The following XPNPEP2 variants were observed in gnomAD, a reference collection of about 807,000 sequenced individuals.
XPNPEP2 encodes the protein X-prolyl aminopeptidase 2.
Under a neutral mutation model 59.8 loss-of-function variants are expected in XPNPEP2, and 64 were observed. The ratio of observed to expected loss-of-function variants is 1.07; its 90% CI spans 0.87 to 1.32. The LOEUF (loss-of-function observed/expected upper bound fraction) is 1.32, where lower values mean the gene tolerates loss of function less well. Among genes scored for constraint, XPNPEP2 ranks in the 40% most tolerant of loss-of-function variants. XPNPEP2 has a pLI of 0.00. For synonymous variants in XPNPEP2, 235 were observed against 210.0 expected (o/e 1.12, Z -1.03); for missense variants, 575 against 546.8 (o/e 1.05, Z -0.51).
intron 7 of XPNPEP2, among the ~76,000 whole-genome samples, chrX:129,749,043 C>T (rs965343536): frequency 1.8e-5 from 2 of 112,240 alleles, no homozygotes; most frequent in African/African-American, 3.2e-5. Context: ...CATACCTGTA[C>T]GCACCAGACC....
chrX:129,757,061 T>TACAC (rs1325338252), intron 14 of XPNPEP2, among the ~76,000 whole-genome samples: 2 of 85,681 alleles, frequency 2.3e-5, no homozygotes, highest in African/African-American at 1.2e-4. Context: ...CACACATATA[T>TACAC]ATACACACAC....
At chrX:129,747,390 AG>A (rs1371397463) in intron 6 of XPNPEP2, among the ~76,000 whole-genome samples, 1 of 112,096 alleles carries the variant, frequency 8.9e-6, no homozygotes, top group East Asian at 2.8e-4. Context: ...GAGTAGGCTC[AG>A]GGCATTAGGC....
At position 129,742,026 on chromosome X, in the gene XPNPEP2, G is replaced by A. The variant is rs1926192888; in HGVS notation, c.50-82G>A. 63 of 944,265 alleles carry A rather than the reference G, an allele frequency of 6.7e-5. No homozygotes were observed. In the South Asian group the frequency reaches 1.3e-3, roughly 19 times the overall value. The allele number at this position is 944,265 out of a possible 1,213,427, so 77.8% of individuals were successfully genotyped here. A position where few individuals can be genotyped will look rare whatever the true frequency, so the allele number is the denominator to read the frequency against. On this transcript the variant is annotated intron_variant, in intron 1 of 20. Transcript: ENST00000371106. ...CGTTTCAAAGGATGGAGGCCCCGTG[G>A]GGCGGGCTGAGAGGATACTCCTTCC...
In XPNPEP2 at chrX:129,751,771, A is replaced by T. The variant is rs1268157835; in HGVS notation, c.766A>T (p.Ile256Phe). 3 of 1,210,898 alleles carry T rather than the reference A, an allele frequency of 2.5e-6. No homozygotes were observed. The highest frequency in any genetic ancestry group is 3.4e-6 in the Non-Finnish European group (3 of 895,004). ...AWLFNLRASD[I>F]PYNPFFYSYT... The stretch of plus-strand genomic sequence containing the variant: ...GCTCTTCAACCTTCGAGCCAGTGAC[A>T]TCCCCTATAACCCCTTCTTCTATTC... The change falls in exon 9 of 21, where the codon ATC becomes TTC. Residue 256 changes from isoleucine to phenylalanine, a missense_variant. By Grantham distance (21) the Ile-to-Phe change is conservative. Coordinates refer to ENST00000371106, the MANE Select transcript of XPNPEP2 (RefSeq NM_003399.6).
At position 129,742,094 on chromosome X, in the gene XPNPEP2, CTCCCGGCTTCTAGCTTGTG is replaced by C. The variant is rs1926195834; in HGVS notation, c.50-13_55del. On this transcript the variant is annotated splice_acceptor_variant and splice_polypyrimidine_tract_variant and coding_sequence_variant and intron_variant, in exon 2 of 21. Coordinates refer to ENST00000371106, the MANE Select transcript of XPNPEP2 (RefSeq NM_003399.6). LOFTEE classifies it high-confidence loss of function. ...GGTCCCCAAATGACCCTGGATTTTT[CTCCCGGCTTCTAGCTTGTG>C]CCTGGGGCCACACAAAGCCAGTGGA... 4.1e-6 allele frequency: 5 copies of C among 1,205,589 alleles called. No homozygotes were observed. The highest frequency in any genetic ancestry group is 5.6e-6 in the Non-Finnish European group (5 of 892,020).
At chrX:129,747,087 G>A (rs1166425457) in intron 6 of XPNPEP2, among the ~76,000 whole-genome samples, 1 of 110,212 alleles carries the variant, frequency 9.1e-6, no homozygotes, top group Non-Finnish European at 1.9e-5. Context: ...AGTTGGGAGG[G>A]CTTCTGAGTT....
intron 14 of XPNPEP2, among the ~76,000 whole-genome samples, chrX:129,758,196 G>A (rs1269341130): frequency 2.7e-5 from 3 of 111,921 alleles, no homozygotes; most frequent in Non-Finnish European, 5.6e-5. Flanking sequence ...CACAGCTCTA[G>A]GGGATCCAGA....
chrX:129,745,208 G>C lies in XPNPEP2; in HGVS notation c.240G>C (p.Glu80Asp). The change falls in exon 4 of 21, where the codon GAG (glutamate) becomes GAC (aspartate). Residue 80 changes from glutamate (E) to aspartate (D), a missense_variant. Physicochemically the swap from Glu to Asp is conservative, Grantham distance 45. Coordinates refer to ENST00000371106, the MANE Select transcript of XPNPEP2 (RefSeq NM_003399.6). ...TGGTGTTGTTGATTTCCTAGAACGAGTACATCGGCCAACATGACGAGAGGC... is the reference window on the plus strand; with the variant it reads ...TGGTGTTGTTGATTTCCTAGAACGACTACATCGGCCAACATGACGAGAGGC... Reference protein sequence around the residue: ...IIPGTDAHMNEYIGQHDERRA... With the variant: ...IIPGTDAHMNDYIGQHDERRA... 1 of 1,211,569 alleles carries C rather than the reference G, an allele frequency of 8.3e-7. No individual in the cohort carries two copies. The highest frequency in any genetic ancestry group is 1.1e-6 in the Non-Finnish European group (1 of 895,442).
At chrX:129,761,969 A>G (rs775342596) in intron 17 of XPNPEP2, 37 bp from the exon 18 acceptor site, 1 of 1,198,306 alleles carries the variant, frequency 8.3e-7, no homozygotes, top group Non-Finnish European at 1.1e-6. Context: ...TGGTGAGTAT[A>G]GGAGAACTGA....
intron 19 of XPNPEP2, 112 bp from the exon 20 acceptor site, chrX:129,767,491 T>G: frequency 8.8e-5 from 68 of 768,878 alleles, no homozygotes; most frequent in Non-Finnish European, 1.2e-4. Flanking sequence ...CCAGGGTTGA[T>G]GAGGCCCAGC....
intron 16 of XPNPEP2, 88 bp downstream of exon 16, chrX:129,760,669 G>A: frequency 1.0e-6 from 1 of 970,774 alleles, no homozygotes; most frequent in Non-Finnish European, 1.4e-6. Context: ...GTGGGGCAAG[G>A]ATTTTGTCAT....
At chrX:129,753,453 G>C (rs920781774) in intron 11 of XPNPEP2, among the ~76,000 whole-genome samples, 1 of 111,323 alleles carries the variant, frequency 9.0e-6, no homozygotes, top group African/African-American at 3.3e-5. Context: ...GAGCAGCCTG[G>C]CCAACATGGT....
chrX:129,741,175 G>GGT (rs201428056), intron 1 of XPNPEP2, among the ~76,000 whole-genome samples: 12 of 103,250 alleles, frequency 1.2e-4, no homozygotes, highest in Admixed American at 2.0e-4. Flanking sequence ...TGAATATTGG[G>GGT]GGGGGGTCAC....
chrX:129,760,500 T>C lies in XPNPEP2; in HGVS notation c.1429-12T>C. ...TCCCGTCCTCCATATCACCTCTTCC[T>C]CTCCCCATCAGGAGGCATACACCCG... On this transcript the variant is annotated splice_polypyrimidine_tract_variant and intron_variant, in intron 15 of 20. Transcript: ENST00000371106. 3 of 1,208,952 alleles carry C rather than the reference T, an allele frequency of 2.5e-6. No homozygotes were observed. Among genetic ancestry groups the C allele is most frequent in the Non-Finnish European group, 3.4e-6 (3 of 893,663 alleles).
chrX:129,746,479 C>T, intron 5 of XPNPEP2, 116 bp from the exon 6 acceptor site: 1 of 952,308 alleles, frequency 1.1e-6, no homozygotes, highest in Admixed American at 2.2e-5. Flanking sequence ...CACTGACTTT[C>T]AAGGCTGATC....
chrX:129,756,574 C>G lies in XPNPEP2; in HGVS notation c.1367+19C>G. 1 of 1,204,896 alleles carries G rather than the reference C, an allele frequency of 8.3e-7. No homozygotes were observed. Among genetic ancestry groups the G allele is most frequent in the Non-Finnish European group, 1.1e-6 (1 of 889,435 alleles). ...AGTACTGGTATGTACCCCGACCTCA[C>G]CCTAGCCTGGATGTCTCTGCTCAGA... is the stretch of plus-strand genomic sequence containing the variant. On this transcript the variant is annotated intron_variant, in intron 14 of 20. Transcript: ENST00000371106.
intron 3 of XPNPEP2, 52 bp downstream of exon 3, chrX:129,744,123 AC>A (rs774977936): frequency 1.6e-5 from 17 of 1,060,724 alleles, no homozygotes; most frequent in Non-Finnish European, 2.2e-5. Flanking sequence ...TGGGTCAGAG[AC>A]CACAAACAGG....
chrX:129,760,443 G>A lies in XPNPEP2; in HGVS notation c.1429-69G>A, dbSNP rs1926635308. On this transcript the variant is annotated intron_variant, in intron 15 of 20. Coordinates refer to ENST00000371106, the MANE Select transcript of XPNPEP2 (RefSeq NM_003399.6). ...TGGGCCCTGCACCGTGTATCCATAG[G>A]CCAAGCAGCTGGATACTCCTCTGGC... 4.5e-6 allele frequency: 5 copies of A among 1,114,301 alleles called. No individual in the cohort carries two copies. In the East Asian group the frequency reaches 1.2e-4, roughly 27 times the overall value. 91.8% of individuals were successfully genotyped at this position (1,114,301 alleles called of 1,213,427 possible).
At chrX:129,739,516 T>A (rs1172193783) in intron 1 of XPNPEP2, among the ~76,000 whole-genome samples, 1 of 112,046 alleles carries the variant, frequency 8.9e-6, no homozygotes, top group Non-Finnish European at 1.9e-5. Context: ...GAAAACTTAA[T>A]TTAAGACTAC....
Sources: allele counts gnomAD v4.1 joint callset (sites outside exome capture counted in the v4.1 genomes callset), GRCh38; gene constraint gnomAD v4.1.1; transcripts MANE v1.5; gene names NCBI Gene and HGNC (gene_info 2026-07-23, HGNC 2026-07-21).